Variants in ABCC2 observed in about 807,000 individuals in gnomAD.
ABCC2 encodes the protein ATP binding cassette subfamily C member 2.
Under a neutral mutation model 173.4 loss-of-function variants are expected in ABCC2, and 157 were observed. The ratio of observed to expected loss-of-function variants is 0.91; its 90% CI spans 0.80 to 1.03. The LOEUF (loss-of-function observed/expected upper bound fraction) is 1.03. ABCC2 is among the 50% of genes least tolerant of loss of function. ABCC2 has a pLI of 0.00. For synonymous variants in ABCC2, 657 were observed against 693.5 expected (o/e 0.95, Z 0.83); for missense variants, 1,822 against 1,852.3 (o/e 0.98, Z 0.30).
chr10:99,785,187 C>G lies in ABCC2; in HGVS notation c.207+406C>G, dbSNP rs539781228. 4.3e-4 allele frequency among the ~76,000 whole-genome samples: 66 copies of G among 152,302 alleles called. 3 individuals carry two copies. The highest frequency in any genetic ancestry group is 1.4e-3 in the South Asian group (7 of 4,828). ...GGATCTCCTGCCCCACTGAGGCAAT[C>G]CAACTATCACTCATCTTCAAAAACT... On this transcript the variant is annotated intron_variant, in intron 2 of 31. Coordinates refer to ENST00000647814, the MANE Select transcript of ABCC2 (RefSeq NM_000392.5).
rs1038477227 is a variant in ABCC2, at chr10:99,817,242, C to A, written c.2095-66C>A. ...ATTTGTTTCTTCCCCTCTCCAGCCA[C>A]CCCGTCCTTCAACCCTGCGTTTCTG... On this transcript the variant is annotated intron_variant, in intron 16 of 31. Coordinates refer to ENST00000647814, the MANE Select transcript of ABCC2 (RefSeq NM_000392.5). 6 of 1,515,170 alleles carry A rather than the reference C, an allele frequency of 4.0e-6. No homozygotes were observed. The African/African-American group carries it at 8.2e-5, about 21-fold the overall frequency. 93.9% of individuals were successfully genotyped at this position (1,515,170 alleles called of 1,614,324 possible).
chr10:99,851,705 A>G lies in ABCC2; in HGVS notation c.*74A>G. ...TAATTTTATTTTTTATAAAATACAG[A>G]ATACATACAAAAGTGTGTATAAAAT... On this transcript the variant is annotated 3_prime_UTR_variant, in exon 32 of 32. Transcript: ENST00000647814. The G allele has an allele frequency of 7.3e-7, 1 of 1,369,390 alleles. No individual in the cohort carries two copies. The highest frequency in any genetic ancestry group is 1.0e-6 in the Non-Finnish European group (1 of 995,288). The allele number at this position is 1,369,390 out of a possible 1,614,324, so 84.8% of individuals were successfully genotyped here.
intron 19 of ABCC2, 95 bp downstream of exon 19, chr10:99,819,364 T>C: frequency 8.1e-7 from 1 of 1,236,372 alleles, no homozygotes; most frequent in Non-Finnish European, 1.2e-6. Flanking sequence ...TCCAGTGAAC[T>C]AGATTTGGAA....
chr10:99,789,018 G>T, intron 2 of ABCC2: 1 of 154,122 alleles, frequency 6.5e-6, no homozygotes. Flanking sequence ...CTAAGATTCA[G>T]GGTATTGGAA....
intron 2 of ABCC2, among the ~76,000 whole-genome samples, chr10:99,790,764 C>A (rs74152760): frequency 0.013 from 1,935 of 152,270 alleles, 37 homozygotes; most frequent in African/African-American, 0.041. Flanking sequence ...ATGTCTTTGA[C>A]TCTACTCCTT....
At chr10:99,795,763 G>GAAA (rs1564672358) in intron 6 of ABCC2, among the ~76,000 whole-genome samples, 1 of 147,126 alleles carries the variant, frequency 6.8e-6, no homozygotes, top group African/African-American at 2.5e-5. Flanking sequence ...AAGAAAGAAA[G>GAAA]AAAGAAAGAA....
At chr10:99,837,247 T>A (rs368039019) in intron 25 of ABCC2, among the ~76,000 whole-genome samples, 2 of 136,252 alleles carry the variant, frequency 1.5e-5, no homozygotes, top group South Asian at 5.2e-4. Context: ...GCAATTCTCC[T>A]GCCTCAGCCT....
intron 25 of ABCC2, among the ~76,000 whole-genome samples, chr10:99,836,930 C>T (rs552586819): frequency 6.6e-5 from 10 of 152,156 alleles, no homozygotes; most frequent in South Asian, 2.1e-4. Context: ...TGTCTTGAGG[C>T]GCTAAAGATG....
At chr10:99,835,380 T>C (rs780354050) in intron 24 of ABCC2, among the ~76,000 whole-genome samples, 25 of 152,070 alleles carry the variant, frequency 1.6e-4, no homozygotes, top group Non-Finnish European at 1.8e-4. Context: ...TGTATGTCCA[T>C]GTATAACATT....
intron 25 of ABCC2, among the ~76,000 whole-genome samples, chr10:99,837,287 C>T (rs371503841): frequency 1.5e-3 from 181 of 120,748 alleles, no homozygotes; most frequent in Middle Eastern, 3.8e-3. Flanking sequence ...AGGCATGCAC[C>T]ACCACGCCCA....
At chr10:99,844,774 G>C (rs1310937088) in intron 28 of ABCC2, among the ~76,000 whole-genome samples, 3 of 152,146 alleles carry the variant, frequency 2.0e-5, no homozygotes, top group African/African-American at 7.2e-5. Context: ...GGAAACAAGG[G>C]GGCGGCCAGG....
At chr10:99,811,680 A>G (rs1331028741) in intron 15 of ABCC2, 78 bp downstream of exon 15, 3 of 1,473,258 alleles carry the variant, frequency 2.0e-6, no homozygotes, top group Non-Finnish European at 2.8e-6. Flanking sequence ...TCCATGTAAT[A>G]GAATGCATGG....
At chr10:99,786,985 G>A (rs1235506503) in intron 2 of ABCC2, among the ~76,000 whole-genome samples, 1 of 148,498 alleles carries the variant, frequency 6.7e-6, no homozygotes, top group African/African-American at 2.5e-5. Context: ...CTGGGTGACA[G>A]AGCAAGACTC....
At position 99,793,662 on chromosome 10, in the gene ABCC2, A is replaced by T. The variant is rs1354101218; in HGVS notation, c.445A>T (p.Thr149Ser). The stretch of plus-strand genomic sequence containing the variant: ...ACTCTGTGGCACTTTCCAATTTCAG[A>T]CTCTGATCCGGACACTCTTACAGGT... ...SILCGTFQFQ[T>S]LIRTLLQGDN... The change falls in exon 4 of 32, where the codon ACT (threonine) becomes TCT (serine). Residue 149 changes from threonine to serine, a missense_variant. Physicochemically the swap from Thr to Ser is moderately conservative, Grantham distance 58 (BLOSUM62 1). Coordinates refer to ENST00000647814, the MANE Select transcript of ABCC2 (RefSeq NM_000392.5). 6.2e-7 allele frequency: 1 copy of T among 1,613,858 alleles called. No homozygotes were observed. Among genetic ancestry groups the T allele is most frequent in the Non-Finnish European group, 8.5e-7 (1 of 1,179,964 alleles).
rs578202066 is a variant in ABCC2, at chr10:99,834,282, C to T, written c.3259-98C>T. ...TGATTACATGAAGGAGTACTGGGAA[C>T]ACACAGAATCCAACAGATTCCTTGC... is the stretch of plus-strand genomic sequence containing the variant. On this transcript the variant is annotated intron_variant, in intron 23 of 31. Coordinates refer to ENST00000647814, the MANE Select transcript of ABCC2 (RefSeq NM_000392.5). The T allele has an allele frequency of 2.1e-5, 26 of 1,258,014 alleles. No individual in the cohort carries two copies. In the African/African-American group the frequency reaches 3.0e-4, roughly 14 times the overall value. The allele number at this position is 1,258,014 out of a possible 1,614,324, so 77.9% of individuals were successfully genotyped here.
At position 99,784,661 on chromosome 10, in the gene ABCC2, A is replaced by G; in HGVS notation, c.87A>G (p.Gln29=). The G allele has an allele frequency of 1.9e-6, 3 of 1,614,170 alleles. No homozygotes were observed. Among genetic ancestry groups the G allele is most frequent in the Non-Finnish European group, 2.5e-6 (3 of 1,180,022 alleles). Residue 29 remains glutamine, a synonymous_variant, in exon 2 of 32, where the codon CAA becomes CAG. Transcript: ENST00000647814. ...CAGACCTGCCACTTTGTTTTGAGCA[A>G]ACTGTTCTGGTGTGGATTCCCTTGG... The part of the protein sequence containing the change: ...PEADLPLCFE[Q]TVLVWIPLGY...
intron 16 of ABCC2, 37 bp from the exon 17 acceptor site, chr10:99,817,271 G>A: frequency 6.2e-7 from 1 of 1,610,312 alleles, no homozygotes; most frequent in Non-Finnish European, 8.5e-7. Flanking sequence ...GTTTCTGGAG[G>A]TGCAGCTGTA....
chr10:99,832,543 T>A lies in ABCC2; in HGVS notation c.3258+412T>A, dbSNP rs575812136. On this transcript the variant is annotated intron_variant, in intron 23 of 31. Coordinates refer to ENST00000647814, the MANE Select transcript of ABCC2 (RefSeq NM_000392.5). ...CAGGGAGATGGCAAGGGTTGGGGGATGGCAGTAGAGCAGGGTGAGAAGGAT... is the reference window on the plus strand; with the variant it reads ...CAGGGAGATGGCAAGGGTTGGGGGAAGGCAGTAGAGCAGGGTGAGAAGGAT... Among the ~76,000 whole-genome samples the A allele has an allele frequency of 1.4e-4, 21 of 152,294 alleles. No homozygotes were observed. The South Asian group carries it at 3.9e-3, about 29-fold the overall frequency.
intron 5 of ABCC2, 54 bp downstream of exon 5, chr10:99,794,053 A>C: frequency 6.7e-7 from 1 of 1,499,882 alleles, no homozygotes; most frequent in Non-Finnish European, 9.2e-7. Context: ...TGATATCTTA[A>C]TGAATATAAC....
Sources: allele counts gnomAD v4.1 joint callset (sites outside exome capture counted in the v4.1 genomes callset), GRCh38; gene constraint gnomAD v4.1.1; transcripts MANE v1.5; gene names NCBI Gene and HGNC (gene_info 2026-07-23, HGNC 2026-07-21).